The following SCHIP1 variants were observed in gnomAD, a reference collection of about 807,000 sequenced individuals.
SCHIP1 encodes the protein schwannomin-interacting protein 1.
SCHIP1 carries 8 observed loss-of-function variants against 29.7 expected under a neutral mutation model. The observed-to-expected ratio is 0.27, with a 90% CI of 0.16 to 0.49. The LOEUF (loss-of-function observed/expected upper bound fraction) is 0.49, where lower values mean the gene tolerates loss of function less well. Among genes scored for constraint, SCHIP1 ranks in the 20% least tolerant of loss-of-function variants. The pLI is 0.99. For synonymous variants in SCHIP1, 76 were observed against 94.9 expected (o/e 0.80, Z 1.16); for missense variants, 193 against 294.6 (o/e 0.66, Z 2.52).
the SCHIP1 span, among the ~76,000 whole-genome samples, chr3:159,276,373 G>T: frequency 6.6e-6 from 1 of 152,102 alleles, no homozygotes; most frequent in African/African-American, 2.4e-5. Context: ...ATTCCAAATG[G>T]GTTCTAGGCT....
the SCHIP1 span, among the ~76,000 whole-genome samples, chr3:159,701,110 T>C: frequency 1.3e-5 from 2 of 152,166 alleles, no homozygotes; most frequent in Non-Finnish European, 1.5e-5. Context: ...ATTCAATATA[T>C]CCTTCCAGAA....
chr3:159,632,998 G>T, the SCHIP1 span, among the ~76,000 whole-genome samples: 1 of 152,108 alleles, frequency 6.6e-6, no homozygotes, highest in Non-Finnish European at 1.5e-5. Flanking sequence ...TAGCCCCAGG[G>T]AATAAGCACC....
chr3:159,280,225 T>C, the SCHIP1 span, among the ~76,000 whole-genome samples: 1 of 152,240 alleles, frequency 6.6e-6, no homozygotes, highest in South Asian at 2.1e-4. Context: ...TTGACTCCAG[T>C]TGGCCACATG....
chr3:159,446,910 T>A, the SCHIP1 span, among the ~76,000 whole-genome samples: 1 of 152,186 alleles, frequency 6.6e-6, no homozygotes, highest in Non-Finnish European at 1.5e-5. Context: ...TCTCTATAGA[T>A]GAGGGGCTTT....
the SCHIP1 span, among the ~76,000 whole-genome samples, chr3:159,644,684 C>G: frequency 6.6e-6 from 1 of 152,062 alleles, no homozygotes; most frequent in Admixed American, 6.6e-5. Flanking sequence ...TTGAATAATG[C>G]CCATTAAATT....
the SCHIP1 span, chr3:159,398,927 A>C: frequency 1.2e-4 from 117 of 981,156 alleles, no homozygotes; most frequent in African/African-American, 1.8e-3. Flanking sequence ...TACAGAACTT[A>C]AATTTGTAGA....
the SCHIP1 span, among the ~76,000 whole-genome samples, chr3:159,790,056 C>T: frequency 9.2e-5 from 14 of 152,258 alleles, no homozygotes; most frequent in Middle Eastern, 3.4e-3. Context: ...CTGCCCAAGG[C>T]CCCCCTCTAC....
chr3:159,694,601 A>G, the SCHIP1 span, among the ~76,000 whole-genome samples: 12 of 128,692 alleles, frequency 9.3e-5, no homozygotes, highest in African/African-American at 3.1e-4. Context: ...AGAAAGAAAG[A>G]AAGAAAGGAA....
At chr3:159,301,935 G>A in the SCHIP1 span, among the ~76,000 whole-genome samples, 1 of 152,178 alleles carries the variant, frequency 6.6e-6, no homozygotes, top group African/African-American at 2.4e-5. Flanking sequence ...AAAGGGCAAA[G>A]CATAAATCCG....
the SCHIP1 span, among the ~76,000 whole-genome samples, chr3:159,427,010 A>C: frequency 3.3e-5 from 5 of 152,228 alleles, no homozygotes; most frequent in Admixed American, 3.3e-4. Context: ...ACTCTCAATA[A>C]ATTAGGTATT....
chr3:159,399,490 TTG>T, the SCHIP1 span, among the ~76,000 whole-genome samples: 3 of 152,136 alleles, frequency 2.0e-5, no homozygotes, highest in Admixed American at 2.0e-4. Context: ...CAATAAATAT[TTG>T]TTGTCTATAT....
chr3:159,319,629 G>A, the SCHIP1 span, among the ~76,000 whole-genome samples: 1 of 152,148 alleles, frequency 6.6e-6, no homozygotes, highest in African/African-American at 2.4e-5. Context: ...ATTTTCTTGG[G>A]CAGTGATGTT....
chr3:159,474,632 C>T, the SCHIP1 span, among the ~76,000 whole-genome samples: 2 of 151,994 alleles, frequency 1.3e-5, no homozygotes, highest in Non-Finnish European at 2.9e-5. Context: ...CAAACACATG[C>T]CCACAGGAGC....
At chr3:159,721,115 G>A in the SCHIP1 span, among the ~76,000 whole-genome samples, 2 of 151,992 alleles carry the variant, frequency 1.3e-5, no homozygotes, top group African/African-American at 2.4e-5. Context: ...ATGAAGGATC[G>A]ATTTCTGAAC....
At chr3:159,519,939 G>A in the SCHIP1 span, among the ~76,000 whole-genome samples, 11 of 151,550 alleles carry the variant, frequency 7.3e-5, no homozygotes, top group East Asian at 3.9e-4. Flanking sequence ...GGGCCACCAC[G>A]TATAGTCGTA....
the SCHIP1 span, among the ~76,000 whole-genome samples, chr3:159,743,836 A>C: frequency 6.6e-6 from 1 of 152,228 alleles, no homozygotes; most frequent in Non-Finnish European, 1.5e-5. Context: ...GGTAAAGGGC[A>C]CAAGGGATTT....
chr3:159,349,075 A>G, the SCHIP1 span, among the ~76,000 whole-genome samples: 2 of 152,222 alleles, frequency 1.3e-5, no homozygotes, highest in African/African-American at 4.8e-5. Context: ...TTGGGATATT[A>G]TAGAGCAAGA....
chr3:159,560,553 C>A, the SCHIP1 span, among the ~76,000 whole-genome samples: 1 of 152,124 alleles, frequency 6.6e-6, no homozygotes, highest in Non-Finnish European at 1.5e-5. Context: ...AGTTAAGTTT[C>A]TTTCTGGATT....
chr3:159,510,537 A>G, the SCHIP1 span, among the ~76,000 whole-genome samples: 1 of 152,060 alleles, frequency 6.6e-6, no homozygotes, highest in Non-Finnish European at 1.5e-5. Flanking sequence ...GGAGGAGGAG[A>G]GGCGCTCTGA....
Sources: gnomAD v4.1 joint callset for allele counts (sites outside exome capture counted in the v4.1 genomes callset) on GRCh38, gnomAD v4.1.1 for gene constraint, MANE v1.5 for transcripts, NCBI Gene and HGNC (gene_info 2026-07-23, HGNC 2026-07-21) for gene names.